Variants in WDR7 observed in about 807,000 individuals in gnomAD.
WDR7 encodes WD repeat-containing protein 7.
Under a neutral mutation model 169.4 loss-of-function variants are expected in WDR7, and 46 were observed. The ratio of observed to expected loss-of-function variants is 0.27; its 90% CI spans 0.21 to 0.35. The LOEUF (loss-of-function observed/expected upper bound fraction) is 0.35, where lower values mean the gene tolerates loss of function less well. Among genes scored for constraint, WDR7 ranks in the 10% least tolerant of loss-of-function variants. The pLI is 1.00. For missense variants in WDR7, 1,534 were observed against 1,859.3 expected (o/e 0.83, Z 3.22); for synonymous variants, 612 against 666.8 (o/e 0.92, Z 1.27).
At chr18:56,758,773 T>C in intron 15 of WDR7, 92 bp from the exon 16 acceptor site, 3 of 890,614 alleles carry the variant, frequency 3.4e-6, no homozygotes, top group Non-Finnish European at 4.8e-6. Flanking sequence ...TCTTTTGTGA[T>C]TCGTTTAGAA....
At chr18:56,875,392 A>T (rs1219967149) in intron 20 of WDR7, among the ~76,000 whole-genome samples, 1 of 152,142 alleles carries the variant, frequency 6.6e-6, no homozygotes, top group Non-Finnish European at 1.5e-5. Context: ...CCCACTTCTA[A>T]TATTCTTTAT....
At chr18:56,998,547 TCTTTACTCTG>T (rs1568306633) in intron 26 of WDR7, among the ~76,000 whole-genome samples, 1 of 152,182 alleles carries the variant, frequency 6.6e-6, no homozygotes, top group African/African-American at 2.4e-5. Flanking sequence ...CTTCTGTACT[TCTTTACTCTG>T]CTGTTTGCTT....
intron 7 of WDR7, among the ~76,000 whole-genome samples, chr18:56,687,517 C>T (rs2144599675): frequency 6.6e-6 from 1 of 152,336 alleles, no homozygotes; most frequent in Middle Eastern, 3.4e-3. Context: ...TTAATCCTTA[C>T]AACTCTCTGA....
intron 20 of WDR7, among the ~76,000 whole-genome samples, chr18:56,827,955 T>C (rs2045238800): frequency 6.6e-6 from 1 of 152,214 alleles, no homozygotes; most frequent in Non-Finnish European, 1.5e-5. Flanking sequence ...TAGTAAGTGC[T>C]CAATAAATAT....
At chr18:56,862,216 TTA>T (rs2045815314) in intron 20 of WDR7, among the ~76,000 whole-genome samples, 1 of 151,920 alleles carries the variant, frequency 6.6e-6, no homozygotes, top group East Asian at 1.9e-4. Flanking sequence ...ACTTTATTTT[TTA>T]ATGTGAAGAT....
chr18:56,776,918 G>A, intron 17 of WDR7, 38 bp downstream of exon 17: 2 of 1,543,348 alleles, frequency 1.3e-6, no homozygotes, highest in Non-Finnish European at 1.8e-6. Flanking sequence ...CTCTCAATCT[G>A]TGCTTTATTC....
At chr18:56,798,854 A>G (rs1407437931) in intron 19 of WDR7, among the ~76,000 whole-genome samples, 1 of 152,230 alleles carries the variant, frequency 6.6e-6, no homozygotes, top group African/African-American at 2.4e-5. Flanking sequence ...TAAACACTGC[A>G]TATTTGCATA....
At chr18:56,810,222 A>G (rs992477461) in intron 19 of WDR7, among the ~76,000 whole-genome samples, 4 of 152,148 alleles carry the variant, frequency 2.6e-5, no homozygotes, top group Admixed American at 2.6e-4. Flanking sequence ...CACCTATCAG[A>G]TTTTCCTTAA....
At chr18:56,696,207 A>T in intron 11 of WDR7, 35 bp from the exon 12 acceptor site, 1 of 1,543,856 alleles carries the variant, frequency 6.5e-7, no homozygotes, top group Non-Finnish European at 8.8e-7. Flanking sequence ...TAAACCTTTA[A>T]TTTTCCCATT....
At chr18:56,730,580 CA>C (rs560021797) in intron 13 of WDR7, among the ~76,000 whole-genome samples, 110 of 152,148 alleles carry the variant, frequency 7.2e-4, no homozygotes, top group African/African-American at 2.7e-3. Flanking sequence ...TCCTGGCTAA[CA>C]CGGTGAAACC....
chr18:57,003,884 C>T (rs1464615577), intron 26 of WDR7, among the ~76,000 whole-genome samples: 1 of 151,912 alleles, frequency 6.6e-6, no homozygotes, highest in Admixed American at 6.6e-5. Flanking sequence ...TGTTTTTCCC[C>T]AACAAGCTAT....
At chr18:56,685,913 A>T in intron 5 of WDR7, 43 bp from the exon 6 acceptor site, 1 of 1,487,644 alleles carries the variant, frequency 6.7e-7, no homozygotes, top group Non-Finnish European at 9.2e-7. Flanking sequence ...AAAGCGTATT[A>T]TGTTCGTAAC....
At chr18:56,709,372 T>G (rs1473746647) in intron 12 of WDR7, among the ~76,000 whole-genome samples, 1 of 152,164 alleles carries the variant, frequency 6.6e-6, no homozygotes, top group African/African-American at 2.4e-5. Flanking sequence ...ACTTAACCCC[T>G]TCAGAAAATA....
In WDR7 at chr18:56,988,196, G is replaced by A. The variant is rs145617176; in HGVS notation, c.4164+25667G>A. On this transcript the variant is annotated intron_variant, in intron 26 of 27. Coordinates refer to ENST00000254442, the MANE Select transcript of WDR7 (RefSeq NM_015285.3). ...TCGTAACCCCTAATTAAGCAATAAG[G>A]CTTGACAGGGAGTATGGTTATCATG... 2.6e-5 allele frequency among the ~76,000 whole-genome samples: 4 copies of A among 152,272 alleles called. No homozygotes were observed. The South Asian group carries it at 6.2e-4, about 24-fold the overall frequency.
chr18:56,703,508 G>A (rs1197204181), intron 12 of WDR7, among the ~76,000 whole-genome samples: 1 of 152,116 alleles, frequency 6.6e-6, no homozygotes, highest in Admixed American at 6.5e-5. Flanking sequence ...AGCAAAAACA[G>A]GAAGCAGAAC....
chr18:56,821,491 C>G (rs2145238688), intron 20 of WDR7, among the ~76,000 whole-genome samples: 1 of 152,294 alleles, frequency 6.6e-6, no homozygotes, highest in Admixed American at 6.5e-5. Flanking sequence ...CTACTCTGCA[C>G]TGCCTCACAT....
intron 1 of WDR7, among the ~76,000 whole-genome samples, chr18:56,655,957 C>A (rs758462606): frequency 2.0e-5 from 3 of 152,152 alleles, no homozygotes; most frequent in Non-Finnish European, 2.9e-5. Context: ...AGTAGTATTC[C>A]ATGGTACGTA....
intron 20 of WDR7, among the ~76,000 whole-genome samples, chr18:56,864,502 G>A (rs899455153): frequency 9.2e-5 from 14 of 151,664 alleles, no homozygotes; most frequent in Non-Finnish European, 1.3e-4. Flanking sequence ...GAGAGGATTA[G>A]TATAATAGCA....
intron 14 of WDR7, among the ~76,000 whole-genome samples, chr18:56,748,719 A>G (rs551010470): frequency 6.6e-6 from 1 of 152,266 alleles, no homozygotes; most frequent in South Asian, 2.1e-4. Context: ...ACACCTACCC[A>G]TGAAGTCTTA....
Sources: gnomAD v4.1 joint callset for allele counts (sites outside exome capture counted in the v4.1 genomes callset) on GRCh38, gnomAD v4.1.1 for gene constraint, MANE v1.5 for transcripts, NCBI Gene and HGNC (gene_info 2026-07-23, HGNC 2026-07-21) for gene names.